Variants in GRK4 observed in about 807,000 individuals in gnomAD.
GRK4 encodes G protein-coupled receptor kinase 2-like.
A neutral mutation model predicts 77.9 loss-of-function variants in GRK4; 73 were observed. The observed-to-expected ratio is 0.94, with a 90% confidence interval of 0.78 to 1.14. The LOEUF is 1.14. Among genes scored for constraint, GRK4 ranks in the 50% most tolerant of loss-of-function variants. The pLI, the probability that GRK4 is intolerant of heterozygous loss-of-function variation, is 0.00. For missense variants in GRK4, 729 were observed against 700.2 expected, an observed-to-expected ratio of 1.04 and a Z score of -0.46; for synonymous variants, 257 against 254.4, an observed-to-expected ratio of 1.01 and a Z score of -0.10.
chr4:2,971,860 C>T (rs1326052460), intron 1 of GRK4, among the ~76,000 whole-genome samples: 1 of 152,116 alleles, frequency 6.6e-6, no homozygotes, highest in African/African-American at 2.4e-5. Context: ...CTTCACGTGG[C>T]GTGCCCTCTG....
At chr4:3,023,708 G>T (rs758265902) in intron 10 of GRK4, among the ~76,000 whole-genome samples, 3 of 152,170 alleles carry the variant, frequency 2.0e-5, no homozygotes, top group Non-Finnish European at 2.9e-5. Flanking sequence ...GGCTTTGGGT[G>T]GGGAGGGCAC....
chr4:2,994,830 G>A (rs578084433), intron 4 of GRK4, among the ~76,000 whole-genome samples: 9 of 152,116 alleles, frequency 5.9e-5, no homozygotes, highest in South Asian at 2.1e-4. Flanking sequence ...GGTTTGTTAC[G>A]TAGGTAAACT....
chr4:3,015,050 A>G (rs904313709), intron 8 of GRK4, among the ~76,000 whole-genome samples: 6 of 152,122 alleles, frequency 3.9e-5, no homozygotes, highest in Non-Finnish European at 5.9e-5. Flanking sequence ...TCCCAATTGT[A>G]TGAAGCCCAA....
intron 12 of GRK4, among the ~76,000 whole-genome samples, chr4:3,031,259 C>T (rs767680860): frequency 1.5e-4 from 23 of 152,110 alleles, no homozygotes; most frequent in Non-Finnish European, 2.6e-4. Context: ...GGGCTGTGAA[C>T]GGTCTCTTAT....
chr4:3,032,141 G>A (rs1739345314), intron 12 of GRK4, among the ~76,000 whole-genome samples: 1 of 152,154 alleles, frequency 6.6e-6, no homozygotes, highest in African/African-American at 2.4e-5. Context: ...GCCCCTAAGA[G>A]CTCACAGTTT....
chr4:2,968,533 T>C (rs1013091771), intron 1 of GRK4, among the ~76,000 whole-genome samples: 1 of 152,206 alleles, frequency 6.6e-6, no homozygotes, highest in Non-Finnish European at 1.5e-5. Flanking sequence ...GTGGGACTCA[T>C]TCATTCATGC....
chr4:2,964,200 A>C, intron 1 of GRK4, 78 bp downstream of exon 1: 11 of 1,068,324 alleles, frequency 1.0e-5, no homozygotes, highest in Non-Finnish European at 1.3e-5. Context: ...CCCTGAAGGA[A>C]CCCGACATCC....
intron 1 of GRK4, among the ~76,000 whole-genome samples, chr4:2,984,047 T>A (rs935071595): frequency 3.9e-5 from 6 of 152,014 alleles, no homozygotes; most frequent in Non-Finnish European, 7.4e-5. Flanking sequence ...TCCCTCGACA[T>A]GTGGGTATTA....
At chr4:2,973,329 G>A (rs746888641) in intron 1 of GRK4, among the ~76,000 whole-genome samples, 1 of 152,030 alleles carries the variant, frequency 6.6e-6, no homozygotes, top group African/African-American at 2.4e-5. Flanking sequence ...GGGGCTTCTC[G>A]CCTTCTCTAT....
chr4:3,006,929 A>C (rs1315506600), intron 5 of GRK4, among the ~76,000 whole-genome samples: 1 of 152,196 alleles, frequency 6.6e-6, no homozygotes, highest in African/African-American at 2.4e-5. Context: ...AGAGGCCAGG[A>C]AGGGCCAATC....
intron 4 of GRK4, among the ~76,000 whole-genome samples, chr4:3,002,924 TA>T (rs1045390488): frequency 7.9e-5 from 12 of 152,152 alleles, no homozygotes; most frequent in African/African-American, 2.9e-4. Flanking sequence ...TTAATTGTGA[TA>T]AAAAAACACG....
In GRK4 at chr4:2,963,942, T is replaced by G; in HGVS notation, c.-129T>G. 1 of 834,392 alleles carries G rather than the reference T, an allele frequency of 1.2e-6. No homozygotes were observed. The highest frequency in any genetic ancestry group is 1.4e-5 in the South Asian group (1 of 69,366). The allele number at this position is 834,392 out of a possible 1,614,324, so 51.7% of individuals were successfully genotyped here. ...GTGGCGGCGGAGCAGCCTCCCGGGA[T>G]CGTGTCCGGAGCTCGAGGAGAGGGT... is the stretch of plus-strand genomic sequence containing the variant. On this transcript the variant is annotated 5_prime_UTR_variant, in exon 1 of 16. Transcript: ENST00000398052.
chr4:3,030,094 G>T (rs2110055052), intron 12 of GRK4, among the ~76,000 whole-genome samples: 1 of 152,334 alleles, frequency 6.6e-6, no homozygotes, highest in East Asian at 1.9e-4. Context: ...GTGGGTAAGG[G>T]TTTAGCCACC....
intron 8 of GRK4, among the ~76,000 whole-genome samples, chr4:3,015,302 G>A (rs1201352749): frequency 6.6e-6 from 1 of 152,208 alleles, no homozygotes; most frequent in Non-Finnish European, 1.5e-5. Context: ...TTTCCTCCAA[G>A]CCATTTATTT....
chr4:2,964,143 C>G lies in GRK4; in HGVS notation c.52+21C>G, dbSNP rs1265454803. On this transcript the variant is annotated intron_variant, in intron 1 of 15. Transcript: ENST00000398052. ...TCAAGGTGGGTGCGCGGCAGGCGCC[C>G]CCGACCCCCCCCCCAGAGAACCCCG... 6 of 1,564,004 alleles carry G rather than the reference C, an allele frequency of 3.8e-6. No individual in the cohort carries two copies. The Admixed American group carries it at 9.4e-5, about 25-fold the overall frequency.
At chr4:2,988,220 A>G (rs1439371947) in intron 2 of GRK4, among the ~76,000 whole-genome samples, 2 of 151,746 alleles carry the variant, frequency 1.3e-5, no homozygotes, top group East Asian at 1.9e-4. Flanking sequence ...ATCTTTCCCA[A>G]CGCTTTTGAT....
At chr4:3,027,121 C>T (rs1737801228) in intron 10 of GRK4, among the ~76,000 whole-genome samples, 1 of 152,218 alleles carries the variant, frequency 6.6e-6, no homozygotes, top group Non-Finnish European at 1.5e-5. Context: ...TTCACCGCAG[C>T]CTCGACCTTC....
intron 1 of GRK4, among the ~76,000 whole-genome samples, chr4:2,970,698 C>T (rs1009679775): frequency 2.0e-5 from 3 of 151,150 alleles, no homozygotes; most frequent in Admixed American, 6.6e-5. Context: ...GGGGGTCAGT[C>T]TCGCTCTGTC....
At chr4:3,014,032 G>A (rs11929714) in intron 8 of GRK4, among the ~76,000 whole-genome samples, 8,744 of 152,144 alleles carry the variant, frequency 0.057, 426 homozygotes, top group African/African-American at 0.13. Flanking sequence ...AGAAAACATA[G>A]AAGGAGTGAT....
Sources: gnomAD v4.1 joint callset for allele counts (sites outside exome capture counted in the v4.1 genomes callset) on GRCh38, gnomAD v4.1.1 for gene constraint, MANE v1.5 for transcripts, NCBI Gene and HGNC (gene_info 2026-07-23, HGNC 2026-07-21) for gene names.